ASAP1: variants seen among roughly 807,000 people sequenced by gnomAD.
ASAP1 encodes ArfGAP with SH3 domain, ankyrin repeat and PH domain 1.
Under a neutral mutation model 145.2 loss-of-function variants are expected in ASAP1, and 43 were observed. The ratio of observed to expected loss-of-function variants is 0.30; its 90% confidence interval spans 0.23 to 0.38. ASAP1 has a LOEUF of 0.38. ASAP1 is among the 10% of genes least tolerant of loss of function. The pLI, the probability that ASAP1 is intolerant of heterozygous loss-of-function variation, is 1.00. For missense variants in ASAP1, 1,018 were observed against 1,355.3 expected (o/e 0.75, Z 3.91); for synonymous variants, 546 against 515.5 (o/e 1.06, Z -0.80).
At chr8:130,138,414 C>T (rs77041575) in intron 13 of ASAP1, among the ~76,000 whole-genome samples, 14,910 of 152,106 alleles carry the variant, frequency 0.098, 932 homozygotes, top group South Asian at 0.28. Context: ...AGGAATGGAA[C>T]CAGAAGTCAA....
chr8:130,087,119 C>T (rs1423123501), intron 25 of ASAP1, among the ~76,000 whole-genome samples: 1 of 152,162 alleles, frequency 6.6e-6, no homozygotes, highest in Non-Finnish European at 1.5e-5. Flanking sequence ...ATCAGCAGAG[C>T]CAAGACCTGT....
chr8:130,390,727 G>A (rs566631192), intron 2 of ASAP1, among the ~76,000 whole-genome samples: 14 of 152,338 alleles, frequency 9.2e-5, no homozygotes, highest in African/African-American at 3.4e-4. Flanking sequence ...CCAGTTACAA[G>A]CATTCATACC....
intron 3 of ASAP1, among the ~76,000 whole-genome samples, chr8:130,348,714 C>T (rs1825832066): frequency 6.6e-6 from 1 of 152,208 alleles, no homozygotes; most frequent in African/African-American, 2.4e-5. Context: ...TGCTTTAAGG[C>T]TCCTGCCTCC....
chr8:130,370,173 A>C (rs1827146709), intron 2 of ASAP1, among the ~76,000 whole-genome samples: 1 of 152,164 alleles, frequency 6.6e-6, no homozygotes, highest in African/African-American at 2.4e-5. Context: ...ATGGTGGCGC[A>C]CACATATAAT....
At chr8:130,198,099 C>A (rs1468823022) in intron 5 of ASAP1, among the ~76,000 whole-genome samples, 2 of 152,004 alleles carry the variant, frequency 1.3e-5, no homozygotes, top group African/African-American at 2.4e-5. Flanking sequence ...ACATAATACC[C>A]CTTAATCAAA....
chr8:130,117,310 G>A (rs751530194), intron 20 of ASAP1, among the ~76,000 whole-genome samples: 16 of 152,166 alleles, frequency 1.1e-4, no homozygotes, highest in Non-Finnish European at 2.1e-4. Context: ...ACCCTGAAGC[G>A]CAGAGAGGCT....
At chr8:130,369,932 A>G (rs1827133892) in intron 2 of ASAP1, among the ~76,000 whole-genome samples, 1 of 152,212 alleles carries the variant, frequency 6.6e-6, no homozygotes, top group Non-Finnish European at 1.5e-5. Context: ...ATGTGATGGT[A>G]TTACAACGTG....
chr8:130,099,680 CT>C (rs57950334), intron 24 of ASAP1, among the ~76,000 whole-genome samples: 26,899 of 100,140 alleles, frequency 0.27, 2,675 homozygotes, highest in African/African-American at 0.38. Context: ...GGATTTCATT[CT>C]TTTTTTTTTT....
rs535101149 is a variant in ASAP1 at position 130,248,264 on chromosome 8, G to A, written c.187-11270C>T. ...GAGTGCGGAATGAACAGGCAGATAC[G>A]GCTCCTACATCTACAAAGACCTGTA... is the stretch of plus-strand genomic sequence containing the variant. On this transcript the variant is annotated intron_variant, in intron 3 of 29. Transcript: ENST00000518721. Among the ~76,000 whole-genome samples the A allele has an allele frequency of 1.6e-4, 25 of 152,178 alleles. 1 individual carries two copies. The highest frequency in any genetic ancestry group is 5.3e-4 in the African/African-American group (22 of 41,542).
chr8:130,323,831 G>T (rs545170862), intron 3 of ASAP1, among the ~76,000 whole-genome samples: 3 of 152,104 alleles, frequency 2.0e-5, no homozygotes, highest in African/African-American at 7.2e-5. Context: ...ATCCTTGAGG[G>T]CATCTTTTTA....
At chr8:130,124,625 G>C (rs573085184) in intron 17 of ASAP1, among the ~76,000 whole-genome samples, 60 of 152,312 alleles carry the variant, frequency 3.9e-4, no homozygotes, top group Non-Finnish European at 6.3e-4. Context: ...GAGGACCCAG[G>C]AACCATTTTG....
intron 3 of ASAP1, among the ~76,000 whole-genome samples, chr8:130,302,077 A>G (rs1439931215): frequency 6.6e-6 from 1 of 152,254 alleles, no homozygotes. Flanking sequence ...AGACAGGTAA[A>G]TAGATAATCT....
At chr8:130,199,694 C>A (rs1363126034) in intron 5 of ASAP1, among the ~76,000 whole-genome samples, 1 of 152,176 alleles carries the variant, frequency 6.6e-6, no homozygotes, top group East Asian at 1.9e-4. Flanking sequence ...CCAGTTGTAA[C>A]ACTCTTACAG....
Position 130,431,145 on chromosome 8 carries a change from T to C in ASAP1, c.-28+12315A>G, listed in dbSNP as rs527659847. On this transcript the variant is annotated intron_variant, in intron 1 of 29. Coordinates refer to ENST00000518721, the MANE Select transcript of ASAP1 (RefSeq NM_018482.4). ...CTCTCTTCCCCATCCCCCCTCCAAATGATCCCCATGCCAGCCAATCCTACT... is the reference window on the plus strand; with the variant it reads ...CTCTCTTCCCCATCCCCCCTCCAAACGATCCCCATGCCAGCCAATCCTACT... Among the ~76,000 whole-genome samples, 5 of 152,086 alleles carry C rather than the reference T, an allele frequency of 3.3e-5. No homozygotes were observed. In the South Asian group the frequency reaches 8.3e-4, roughly 25 times the overall value.
In ASAP1 at chr8:130,423,709, T is replaced by C. The variant is rs970576090; in HGVS notation, c.-28+19751A>G. Among the ~76,000 whole-genome samples the C allele has an allele frequency of 5.3e-5, 8 of 152,232 alleles. 1 individual carries two copies. The highest frequency in any genetic ancestry group is 5.9e-5 in the Non-Finnish European group (4 of 68,042). ...ACTGTTCGCAAAAACTATGTGTCTA[T>C]GAGTATATCAGCATAGAGAGACAAA... On this transcript the variant is annotated intron_variant, in intron 1 of 29. Coordinates refer to ENST00000518721, the MANE Select transcript of ASAP1 (RefSeq NM_018482.4).
intron 1 of ASAP1, among the ~76,000 whole-genome samples, chr8:130,425,442 G>C (rs139227789): frequency 1.3e-5 from 2 of 151,528 alleles, no homozygotes; most frequent in African/African-American, 4.9e-5. Flanking sequence ...CTTTGAACCC[G>C]TGAGGCAGAG....
At chr8:130,115,787 C>T (rs760791540) in intron 22 of ASAP1, 52 bp from the exon 23 acceptor site, 1 of 1,278,978 alleles carries the variant, frequency 7.8e-7, no homozygotes, top group Admixed American at 1.7e-5. Context: ...TGAAACATCC[C>T]AATATTATAC....
intron 7 of ASAP1, among the ~76,000 whole-genome samples, chr8:130,184,112 GA>G (rs1278640641): frequency 2.0e-5 from 3 of 152,236 alleles, no homozygotes; most frequent in African/African-American, 7.2e-5. Context: ...ATGTCATTAA[GA>G]AAAAGTAAAC....
Position 130,214,587 on chromosome 8 carries a change from G to A in ASAP1, c.374C>T (p.Thr125Ile). 6.2e-7 allele frequency: 1 copy of A among 1,612,216 alleles called. No homozygotes were observed. The highest frequency in any genetic ancestry group is 8.5e-7 in the Non-Finnish European group (1 of 1,179,422). Reference protein sequence around the residue: ...GTAFVKFSTLTKELSTLLKNL... With the variant: ...GTAFVKFSTLIKELSTLLKNL... ...TTTCAGCAGTGTGGACAGTTCCTTT[G>A]TAAGAGTAGAAAACTTGACAAACGC... Residue 125 changes from threonine (T) to isoleucine (I), a missense_variant, in exon 5 of 30, where the codon ACA becomes ATA. By Grantham distance (89) the Thr-to-Ile change is moderately conservative. Around this residue, in one of 9 missense-constraint regions of ASAP1, gnomAD observed 78 missense variants for 161.0 expected, o/e 0.48. Coordinates refer to ENST00000518721, the MANE Select transcript of ASAP1 (RefSeq NM_018482.4).
Sources: gnomAD v4.1 joint callset for allele counts (sites outside exome capture counted in the v4.1 genomes callset) on GRCh38, gnomAD v4.1.1 for gene constraint, gnomAD v4.1.1 regional missense constraint, MANE v1.5 for transcripts, NCBI Gene and HGNC (gene_info 2026-07-23, HGNC 2026-07-21) for gene names.